GNPAT: variants seen among roughly 807,000 people sequenced by gnomAD.
GNPAT encodes the protein dihydroxyacetone phosphate acyltransferase.
In GNPAT, 30 loss-of-function variants were observed where a neutral mutation model predicts 78.4. The ratio of observed to expected loss-of-function variants is 0.38; its 90% CI spans 0.29 to 0.52. GNPAT has a LOEUF of 0.52. GNPAT is among the 20% of genes least tolerant of loss of function. The pLI is 0.84. For missense variants in GNPAT, 714 were observed against 812.2 expected, an observed-to-expected ratio of 0.88 and a Z score of 1.47; for synonymous variants, 271 against 281.1, an observed-to-expected ratio of 0.96 and a Z score of 0.36.
chr1:231,272,100 A>G (rs1175644536), intron 10 of GNPAT, among the ~76,000 whole-genome samples: 1 of 152,196 alleles, frequency 6.6e-6, no homozygotes, highest in African/African-American at 2.4e-5. Flanking sequence ...ACTCCATCTC[A>G]AAAAACAAAA....
chr1:231,260,349 T>C (rs1199284712), intron 2 of GNPAT, among the ~76,000 whole-genome samples, 158 bp from the exon 3 acceptor site: 1 of 137,932 alleles, frequency 7.2e-6, no homozygotes, highest in East Asian at 2.1e-4. Flanking sequence ...CTCATTTATC[T>C]ACTATGACTG....
chr1:231,246,390 G>A (rs1009761101), intron 1 of GNPAT, among the ~76,000 whole-genome samples: 11 of 152,212 alleles, frequency 7.2e-5, no homozygotes, highest in African/African-American at 2.7e-4. Context: ...TGCAGTCCCT[G>A]CCTGCCTTGT....
intron 2 of GNPAT, among the ~76,000 whole-genome samples, chr1:231,253,037 C>T (rs1349619541): frequency 1.3e-5 from 2 of 152,106 alleles, no homozygotes; most frequent in Admixed American, 6.5e-5. Context: ...ATCGCGATCT[C>T]GGCTCACTGC....
Position 231,275,222 on chromosome 1 carries a change from T to A in GNPAT, c.1745T>A (p.Ile582Lys), listed in dbSNP as rs200724767. The change falls in exon 13 of 16, where the codon ATA (isoleucine) becomes AAA (lysine). Residue 582 changes from isoleucine to lysine, a missense_variant and splice_region_variant. By Grantham distance (102) the Ile-to-Lys change is moderately radical. Coordinates refer to ENST00000366647, the MANE Select transcript of GNPAT (RefSeq NM_014236.4). Reference sequence around the variant, plus strand: ...CCTCATCCTTCCTCTTAAAATCAGATAATTTGCAAGTACCTTTTGAGTGAA... The same window carrying A: ...CCTCATCCTTCCTCTTAAAATCAGAAAATTTGCAAGTACCTTTTGAGTGAA... ...LFKPFVESYQ[I>K]ICKYLLSEEE... 5.7e-6 allele frequency: 9 copies of A among 1,577,078 alleles called. No individual in the cohort carries two copies. In the African/African-American group the frequency reaches 1.2e-4, roughly 21 times the overall value.
intron 10 of GNPAT, among the ~76,000 whole-genome samples, 169 bp downstream of exon 10, chr1:231,271,169 G>A (rs778786556): frequency 1.3e-5 from 2 of 152,180 alleles, no homozygotes; most frequent in African/African-American, 2.4e-5. Context: ...CATCTGCTTC[G>A]AATTTTGGAA....
intron 14 of GNPAT, 82 bp downstream of exon 14, chr1:231,275,580 G>C: frequency 1.2e-6 from 1 of 825,826 alleles, no homozygotes; most frequent in Non-Finnish European, 2.1e-6. Flanking sequence ...GAGAGACATA[G>C]AAATGGATGA....
At position 231,273,901 on chromosome 1, in the gene GNPAT, T is replaced by C. The variant is rs369517676; in HGVS notation, c.1603-21T>C. ...TACCCATTAACCTAGATGAACATTA[T>C]GGCTTCCTCTTCCCTTCTAGGACTT... On this transcript the variant is annotated intron_variant, in intron 11 of 15. Transcript: ENST00000366647. 9.5e-4 allele frequency: 1,524 copies of C among 1,607,820 alleles called. 1 individual carries two copies. Among genetic ancestry groups the C allele is most frequent in the Middle Eastern group, 1.9e-3 (11 of 5,796 alleles).
At chr1:231,272,256 C>G in intron 10 of GNPAT, 56 bp from the exon 11 acceptor site, 1 of 866,196 alleles carries the variant, frequency 1.2e-6, no homozygotes, top group East Asian at 2.5e-5. Context: ...CTTCCTGGTA[C>G]TCCCTTAAAG....
At position 231,277,598 on chromosome 1, in the gene GNPAT, T is replaced by G; in HGVS notation, c.*56T>G. 2.0e-6 allele frequency: 2 copies of G among 984,542 alleles called. No individual in the cohort carries two copies. Among genetic ancestry groups the G allele is most frequent in the South Asian group, 1.3e-5 (1 of 78,520 alleles). The allele number at this position is 984,542 out of a possible 1,614,324, so 61.0% of individuals were successfully genotyped here. Reference sequence around the variant, plus strand: ...CACGTAATTACTCTCATCGAAGGACTCATTACAACAAACAGGGAAGTAAAG... The same window carrying G: ...CACGTAATTACTCTCATCGAAGGACGCATTACAACAAACAGGGAAGTAAAG... On this transcript the variant is annotated 3_prime_UTR_variant, in exon 16 of 16. Coordinates refer to ENST00000366647, the MANE Select transcript of GNPAT (RefSeq NM_014236.4).
At chr1:231,246,172 C>T (rs1041038283) in intron 1 of GNPAT, among the ~76,000 whole-genome samples, 4 of 152,090 alleles carry the variant, frequency 2.6e-5, no homozygotes, top group Non-Finnish European at 5.9e-5. Context: ...CCCAGCTTTG[C>T]GTTTGCTGGG....
chr1:231,266,252 T>C, intron 7 of GNPAT, 25 bp from the exon 8 acceptor site: 1 of 1,613,648 alleles, frequency 6.2e-7, no homozygotes, highest in Admixed American at 1.7e-5. Context: ...TTCGTTTTCT[T>C]CCCCCCCTGT....
chr1:231,244,394 A>G (rs1396826396), intron 1 of GNPAT, among the ~76,000 whole-genome samples: 2 of 152,214 alleles, frequency 1.3e-5, no homozygotes, highest in Non-Finnish European at 2.9e-5. Context: ...TGATGAATTT[A>G]TGTGATATTT....
At chr1:231,255,221 T>A (rs908701386) in intron 2 of GNPAT, among the ~76,000 whole-genome samples, 4 of 152,100 alleles carry the variant, frequency 2.6e-5, no homozygotes, top group African/African-American at 9.7e-5. Context: ...TTCCACCCTC[T>A]CCCTCATCCT....
intron 2 of GNPAT, among the ~76,000 whole-genome samples, chr1:231,258,519 C>G (rs1420189336): frequency 1.3e-5 from 2 of 149,666 alleles, no homozygotes; most frequent in Admixed American, 6.7e-5. Flanking sequence ...CAGGGGACTT[C>G]TTCTATTTGG....
At position 231,267,538 on chromosome 1, in the gene GNPAT, A is replaced by T. The variant is rs959557670; in HGVS notation, c.1056-142A>T. 6 of 717,066 alleles carry T rather than the reference A, an allele frequency of 8.4e-6. No individual in the cohort carries two copies. The South Asian group carries it at 8.7e-5, about 10-fold the overall frequency. The allele number at this position is 717,066 out of a possible 1,614,324, so 44.4% of individuals were successfully genotyped here. A position where few individuals can be genotyped will look rare whatever the true frequency, so the allele number is the denominator to read the frequency against. On this transcript the variant is annotated intron_variant, in intron 8 of 15. Coordinates refer to ENST00000366647, the MANE Select transcript of GNPAT (RefSeq NM_014236.4). ...GTCAGATTACACTATAGTAAAGCAA[A>T]GGAATACTGTTTGCACCTGACCTGA...
intron 1 of GNPAT, among the ~76,000 whole-genome samples, chr1:231,249,323 TG>T (rs1003946560): frequency 7.9e-5 from 12 of 152,234 alleles, no homozygotes; most frequent in African/African-American, 2.9e-4. Context: ...AAAATGTTCA[TG>T]TTTGTATGTT....
At chr1:231,269,453 G>A (rs905390772) in intron 9 of GNPAT, among the ~76,000 whole-genome samples, 1 of 152,198 alleles carries the variant, frequency 6.6e-6, no homozygotes, top group Non-Finnish European at 1.5e-5. Flanking sequence ...CAAGTTAGGA[G>A]GCTGCTCTGT....
In GNPAT at chr1:231,241,425, C is replaced by T; in HGVS notation, c.47C>T (p.Thr16Ile). 1 of 1,613,766 alleles carries T rather than the reference C, an allele frequency of 6.2e-7. No individual in the cohort carries two copies. Among genetic ancestry groups the T allele is most frequent in the Non-Finnish European group, 8.5e-7 (1 of 1,179,644 alleles). Reference sequence around the variant, plus strand: ...AACTCTTATTTCTCCGTTGGCCCAACCAGTCCCAGCGCTGTCGTGCTCCTC... The same window carrying T: ...AACTCTTATTTCTCCGTTGGCCCAATCAGTCCCAGCGCTGTCGTGCTCCTC... ...SSNSYFSVGP[T>I]SPSAVVLLYS... Residue 16 changes from threonine (T) to isoleucine (I), a missense_variant, in exon 1 of 16, where the codon ACC (threonine) becomes ATC (isoleucine). Transcript: ENST00000366647.
chr1:231,255,379 CTCTT>C (rs1051527934), intron 2 of GNPAT, among the ~76,000 whole-genome samples: 1 of 152,108 alleles, frequency 6.6e-6, no homozygotes, highest in Non-Finnish European at 1.5e-5. Context: ...TAGTTACTAT[CTCTT>C]TCTTCCCCCT....
Sources: allele counts gnomAD v4.1 joint callset (sites outside exome capture counted in the v4.1 genomes callset), GRCh38; gene constraint gnomAD v4.1.1; transcripts MANE v1.5; gene names NCBI Gene and HGNC (gene_info 2026-07-23, HGNC 2026-07-21).